Variants in BRAF observed in about 807,000 individuals in gnomAD.
BRAF encodes the protein serine/threonine-protein kinase B-raf.
Under a neutral mutation model 104.6 loss-of-function variants are expected in BRAF, and 16 were observed. The observed-to-expected ratio is 0.15, with a 90% CI of 0.10 to 0.23. The LOEUF is 0.23. Among genes scored for constraint, BRAF ranks in the 10% least tolerant of loss-of-function variants. BRAF has a pLI of 1.00. For synonymous variants in BRAF, 310 were observed against 341.6 expected (o/e 0.91, Z 1.02); for missense variants, 541 against 937.3 (o/e 0.58, Z 5.52).
chr7:140,903,242 T>TTTAA (rs2129131197), intron 1 of BRAF, among the ~76,000 whole-genome samples: 1 of 152,270 alleles, frequency 6.6e-6, no homozygotes, highest in Admixed American at 6.5e-5. Flanking sequence ...ACGATGACTC[T>TTTAA]TATTAGAGGC....
At chr7:140,882,581 T>C (rs1033898930) in intron 1 of BRAF, among the ~76,000 whole-genome samples, 1 of 152,012 alleles carries the variant, frequency 6.6e-6, no homozygotes, top group African/African-American at 2.4e-5. Flanking sequence ...TTTCACCATA[T>C]TGGTCAGGCT....
At chr7:140,904,498 C>G (rs1249529302) in intron 1 of BRAF, among the ~76,000 whole-genome samples, 1 of 151,962 alleles carries the variant, frequency 6.6e-6, no homozygotes, top group Non-Finnish European at 1.5e-5. Flanking sequence ...ACATTTGATT[C>G]TCTCACTTTC....
rs150361321 is a variant in BRAF at position 140,888,192 on chromosome 7, C to T, written c.138+36374G>A. Among the ~76,000 whole-genome samples, 556 of 152,246 alleles carry T rather than the reference C, an allele frequency of 3.7e-3. 6 individuals are homozygous for T. Among genetic ancestry groups the T allele is most frequent in the African/African-American group, 0.013 (526 of 41,556 alleles). On this transcript the variant is annotated intron_variant, in intron 1 of 19. Coordinates refer to ENST00000644969, the MANE Select transcript of BRAF (RefSeq NM_001374258.1). Reference sequence around the variant, plus strand: ...CTGGCCTCAGCATTTAATATTTACACAGGCACCCTAACTTAGGGTTAGTAT... The same window carrying T: ...CTGGCCTCAGCATTTAATATTTACATAGGCACCCTAACTTAGGGTTAGTAT...
chr7:140,835,445 A>C (rs952751410), intron 2 of BRAF: 2 of 154,538 alleles, frequency 1.3e-5, no homozygotes, highest in Non-Finnish European at 2.9e-5. Context: ...TAACTGCCAC[A>C]TTCTTTCTGG....
chr7:140,921,240 C>T (rs777219123), intron 1 of BRAF, among the ~76,000 whole-genome samples: 1 of 152,038 alleles, frequency 6.6e-6, no homozygotes, highest in Non-Finnish European at 1.5e-5. Context: ...ATACCATACA[C>T]TATTTCATAC....
Position 140,754,491 on chromosome 7 carries a change from A to G in BRAF, c.1815-258T>C, listed in dbSNP as rs532182865. Among the ~76,000 whole-genome samples the G allele has an allele frequency of 3.3e-5, 5 of 152,296 alleles. No individual in the cohort carries two copies. The South Asian group carries it at 8.3e-4, about 25-fold the overall frequency. On this transcript the variant is annotated intron_variant, in intron 14 of 19. Transcript: ENST00000644969. ...TTGCTTTATCTTTTACTAGTTACCAATACAAACCTTTCACTCCAGTCAAGC... is the reference window on the plus strand; with the variant it reads ...TTGCTTTATCTTTTACTAGTTACCAGTACAAACCTTTCACTCCAGTCAAGC...
intron 1 of BRAF, among the ~76,000 whole-genome samples, chr7:140,874,933 A>G (rs1469901129): frequency 6.6e-6 from 1 of 152,090 alleles, no homozygotes; most frequent in Non-Finnish European, 1.5e-5. Context: ...CACCCTCCCC[A>G]TCTCTTGCTT....
intron 14 of BRAF, among the ~76,000 whole-genome samples, chr7:140,757,065 T>C (rs1331756307): frequency 6.6e-5 from 10 of 152,158 alleles, no homozygotes; most frequent in Non-Finnish European, 1.5e-5. Flanking sequence ...CAGACATTAT[T>C]GTGATTGTTA....
Position 140,924,466 on chromosome 7 carries a change from T to C in BRAF, c.138+100A>G. On this transcript the variant is annotated intron_variant, in intron 1 of 19. Coordinates refer to ENST00000644969, the MANE Select transcript of BRAF (RefSeq NM_001374258.1). The surrounding 1 kb of genome is among the most constrained non-coding windows in gnomAD (Gnocchi z 4.2). ...CGCGGAGCTGGCCCGAGAAGGTGGCTGAGGGCATCAAGCCCCCACCGCCGC... is the reference window on the plus strand; with the variant it reads ...CGCGGAGCTGGCCCGAGAAGGTGGCCGAGGGCATCAAGCCCCCACCGCCGC... The C allele has an allele frequency of 6.7e-7, 1 of 1,497,336 alleles. No individual in the cohort carries two copies. The highest frequency in any genetic ancestry group is 1.2e-5 in the South Asian group (1 of 82,606). The allele number at this position is 1,497,336 out of a possible 1,614,324, so 92.8% of individuals were successfully genotyped here.
chr7:140,720,550 C>T lies in BRAF; in HGVS notation c.*5944G>A, dbSNP rs910244065. On this transcript the variant is annotated 3_prime_UTR_variant, in exon 20 of 20. Coordinates refer to ENST00000644969, the MANE Select transcript of BRAF (RefSeq NM_001374258.1). Reference sequence around the variant, plus strand: ...AGGAAGGAATGATTCTTAAAAAAACCGTTCACAGCTTAGAATAAAAAGCAT... The same window carrying T: ...AGGAAGGAATGATTCTTAAAAAAACTGTTCACAGCTTAGAATAAAAAGCAT... 43 of 1,064,842 alleles carry T rather than the reference C, an allele frequency of 4.0e-5. No homozygotes were observed. Among genetic ancestry groups the T allele is most frequent in the Non-Finnish European group, 4.7e-5 (41 of 879,192 alleles). The allele number at this position is 1,064,842 out of a possible 1,614,324, so 66.0% of individuals were successfully genotyped here.
chr7:140,776,191 A>G (rs574788058), intron 14 of BRAF, among the ~76,000 whole-genome samples: 1 of 152,362 alleles, frequency 6.6e-6, no homozygotes, highest in South Asian at 2.1e-4. Flanking sequence ...AAGTGAAAGC[A>G]ATTTGTAAAA....
intron 14 of BRAF, among the ~76,000 whole-genome samples, chr7:140,762,303 G>A (rs1377275241): frequency 3.3e-5 from 5 of 152,218 alleles, no homozygotes; most frequent in Middle Eastern, 3.4e-3. Context: ...GGTACATAAC[G>A]AAATGAAGGC....
chr7:140,856,506 C>G (rs1161762393), intron 1 of BRAF, among the ~76,000 whole-genome samples: 1 of 151,922 alleles, frequency 6.6e-6, no homozygotes, highest in Non-Finnish European at 1.5e-5. Context: ...GAACAGCAAG[C>G]CTAAAGACAA....
intron 19 of BRAF, among the ~76,000 whole-genome samples, chr7:140,729,185 G>C (rs1202948270): frequency 6.6e-6 from 1 of 151,966 alleles, no homozygotes; most frequent in Non-Finnish European, 1.5e-5. Flanking sequence ...CAGTGAGCCA[G>C]GATTGTACCA....
chr7:140,861,303 T>C (rs757195459), intron 1 of BRAF, among the ~76,000 whole-genome samples: 13 of 152,186 alleles, frequency 8.5e-5, no homozygotes, highest in Non-Finnish European at 1.3e-4. Flanking sequence ...TCAGTTCTGA[T>C]TGGCTGAGGC....
chr7:140,720,660 T>G lies in BRAF; in HGVS notation c.*5834A>C, dbSNP rs934478245. Reference sequence around the variant, plus strand: ...TAATTTTTCCCTATCCTAGATTTACTGCCACCTCACCCCATTTTGGTCTCT... The same window carrying G: ...TAATTTTTCCCTATCCTAGATTTACGGCCACCTCACCCCATTTTGGTCTCT... On this transcript the variant is annotated 3_prime_UTR_variant, in exon 20 of 20. Transcript: ENST00000644969. The G allele has an allele frequency of 1.2e-5, 13 of 1,065,906 alleles. No homozygotes were observed. Among genetic ancestry groups the G allele is most frequent in the Non-Finnish European group, 1.5e-5 (13 of 879,638 alleles). The allele number at this position is 1,065,906 out of a possible 1,614,324, so 66.0% of individuals were successfully genotyped here. A position where few individuals can be genotyped will look rare whatever the true frequency, so the allele number is the denominator to read the frequency against.
At chr7:140,917,829 T>G (rs1438356112) in intron 1 of BRAF, among the ~76,000 whole-genome samples, 2 of 152,104 alleles carry the variant, frequency 1.3e-5, no homozygotes, top group Admixed American at 1.3e-4. Context: ...CAAAAGAAGA[T>G]TTTCATGACA....
At chr7:140,830,648 C>T (rs931085568) in intron 3 of BRAF, among the ~76,000 whole-genome samples, 8 of 152,148 alleles carry the variant, frequency 5.3e-5, no homozygotes, top group South Asian at 2.1e-4. Flanking sequence ...CATCCACCAA[C>T]CTCTGAGAAG....
intron 1 of BRAF, among the ~76,000 whole-genome samples, chr7:140,903,168 C>T (rs186880441): frequency 2.5e-4 from 38 of 152,062 alleles, no homozygotes; most frequent in Admixed American, 8.5e-4. Context: ...TCAGGTGATC[C>T]GCCCACCTCG....
Sources: gnomAD v4.1 joint callset for allele counts (sites outside exome capture counted in the v4.1 genomes callset) on GRCh38, gnomAD v4.1.1 for gene constraint, Gnocchi (gnomAD v3.1) non-coding constraint, MANE v1.5 for transcripts, NCBI Gene and HGNC (gene_info 2026-07-23, HGNC 2026-07-21) for gene names.